NOS1AP: variants seen among roughly 807,000 people sequenced by gnomAD.
NOS1AP encodes nitric oxide synthase 1 adaptor protein, also known as carboxyl-terminal PDZ ligand of neuronal nitric oxide synthase protein.
NOS1AP carries 21 observed loss-of-function variants against 56.2 expected under a neutral mutation model. The ratio of observed to expected loss-of-function variants is 0.37; its 90% CI spans 0.26 to 0.54. The LOEUF (loss-of-function observed/expected upper bound fraction) is 0.54, where lower values mean the gene tolerates loss of function less well. Ranked by LOEUF, NOS1AP falls within the 20% of genes least tolerant of loss-of-function variation. The pLI, the probability that NOS1AP is intolerant of heterozygous loss-of-function variation, is 0.84. For missense variants in NOS1AP, 522 were observed against 657.8 expected, an observed-to-expected ratio of 0.79 and a Z score of 2.26; for synonymous variants, 270 against 274.6, an observed-to-expected ratio of 0.98 and a Z score of 0.17.
intron 2 of NOS1AP, among the ~76,000 whole-genome samples, chr1:162,160,050 G>A (rs1650137332): frequency 6.6e-6 from 1 of 152,178 alleles, no homozygotes; most frequent in Non-Finnish European, 1.5e-5. Context: ...TCGAAACGTG[G>A]TGCAGCCTCT....
chr1:162,203,359 C>A (rs114105768), intron 2 of NOS1AP, among the ~76,000 whole-genome samples: 2 of 152,172 alleles, frequency 1.3e-5, no homozygotes, highest in African/African-American at 2.4e-5. Context: ...CCAGATTCCA[C>A]TACTGGTCTG....
intron 1 of NOS1AP, among the ~76,000 whole-genome samples, chr1:162,139,827 TC>T (rs1283994971): frequency 6.6e-6 from 1 of 151,904 alleles, no homozygotes; most frequent in Non-Finnish European, 1.5e-5. Context: ...AGAGTTGCCG[TC>T]TTACTTTTTT....
intron 1 of NOS1AP, among the ~76,000 whole-genome samples, chr1:162,152,028 C>G (rs970687842): frequency 1.3e-5 from 2 of 152,142 alleles, no homozygotes; most frequent in African/African-American, 4.8e-5. Flanking sequence ...GTCCAAAACT[C>G]GAAGCTGCCT....
rs754410301 is a variant in NOS1AP, at chr1:162,154,431, G to A, written c.132G>A (p.Arg44=). The part of the protein sequence containing the change: ...AKYVGSLDVP[R]PNSRVEIVAA... ...ACGTAGGAAGCCTGGACGTGCCAAG[G>A]CCCAACAGCAGGGTGGAGATCGTGG... is the stretch of plus-strand genomic sequence containing the variant. Residue 44 remains arginine (R), a synonymous_variant, in exon 2 of 10, where the codon AGG becomes AGA. Coordinates refer to ENST00000361897, the MANE Select transcript of NOS1AP (RefSeq NM_014697.3). The A allele has an allele frequency of 1.2e-5, 20 of 1,614,112 alleles. No homozygotes were observed. The highest frequency in any genetic ancestry group is 1.7e-5 in the Non-Finnish European group (20 of 1,180,000).
intron 2 of NOS1AP, among the ~76,000 whole-genome samples, chr1:162,224,275 C>T (rs1289153108): frequency 2.0e-5 from 3 of 152,074 alleles, no homozygotes; most frequent in Admixed American, 6.6e-5. Flanking sequence ...TATTTATTGC[C>T]TGCTTTTTTA....
intron 3 of NOS1AP, among the ~76,000 whole-genome samples, chr1:162,298,958 G>A (rs771975442): frequency 6.6e-5 from 10 of 152,216 alleles, no homozygotes; most frequent in Non-Finnish European, 1.3e-4. Flanking sequence ...AATTAAAAGT[G>A]CAGGTAGAAT....
chr1:162,324,188 T>C (rs1656507575), intron 4 of NOS1AP, among the ~76,000 whole-genome samples: 2 of 151,996 alleles, frequency 1.3e-5, no homozygotes, highest in African/African-American at 4.8e-5. Context: ...CTGAAAAGTG[T>C]GGGATGGATG....
intron 2 of NOS1AP, among the ~76,000 whole-genome samples, chr1:162,230,841 T>C (rs2101668379): frequency 6.6e-6 from 1 of 152,356 alleles, no homozygotes; most frequent in South Asian, 2.1e-4. Context: ...TTTTAAAGGC[T>C]AATATTTCAT....
chr1:162,112,936 G>C (rs1647769342), intron 1 of NOS1AP, among the ~76,000 whole-genome samples: 1 of 152,160 alleles, frequency 6.6e-6, no homozygotes, highest in African/African-American at 2.4e-5. Context: ...AAAAAGATAT[G>C]GGAATTCAGA....
At chr1:162,243,848 A>G (rs1653575951) in intron 2 of NOS1AP, among the ~76,000 whole-genome samples, 1 of 152,212 alleles carries the variant, frequency 6.6e-6, no homozygotes, top group Non-Finnish European at 1.5e-5. Flanking sequence ...TGTTGTAAGA[A>G]TTGTTGGAGG....
intron 2 of NOS1AP, among the ~76,000 whole-genome samples, chr1:162,277,499 C>T (rs1654779371): frequency 6.6e-6 from 1 of 152,208 alleles, no homozygotes; most frequent in Non-Finnish European, 1.5e-5. Context: ...ACATCTGGAA[C>T]TTGTATTATC....
intron 9 of NOS1AP, 26 bp downstream of exon 9, chr1:162,365,595 G>T: frequency 6.2e-7 from 1 of 1,605,538 alleles, no homozygotes. Flanking sequence ...GCCCAGCCCT[G>T]CTTCCTCTGT....
At chr1:162,362,904 T>G (rs1476266548) in intron 8 of NOS1AP, 1 of 959,248 alleles carries the variant, frequency 1.0e-6, no homozygotes, top group Non-Finnish European at 1.2e-6. Flanking sequence ...TACAATATTA[T>G]TGACATTTCT....
At chr1:162,227,234 A>G (rs569848363) in intron 2 of NOS1AP, among the ~76,000 whole-genome samples, 1 of 152,326 alleles carries the variant, frequency 6.6e-6, no homozygotes, top group African/African-American at 2.4e-5. Flanking sequence ...ATACAAAAAC[A>G]TAAATTTTTC....
At chr1:162,321,731 A>AAAAAATATAT (rs1480278757) in intron 4 of NOS1AP, among the ~76,000 whole-genome samples, 1 of 128,494 alleles carries the variant, frequency 7.8e-6, no homozygotes, top group Non-Finnish European at 1.7e-5. Context: ...AAAAAAAAAA[A>AAAAAATATAT]ATATATATAT....
At chr1:162,152,383 C>G (rs2102092152) in intron 1 of NOS1AP, among the ~76,000 whole-genome samples, 1 of 152,334 alleles carries the variant, frequency 6.6e-6, no homozygotes, top group East Asian at 1.9e-4. Context: ...CAGGAGCCAT[C>G]AGCTGTGCAG....
intron 2 of NOS1AP, among the ~76,000 whole-genome samples, chr1:162,239,276 G>A (rs1653404017): frequency 6.6e-6 from 1 of 152,306 alleles, no homozygotes; most frequent in South Asian, 2.1e-4. Flanking sequence ...CTCATCTAAG[G>A]AACGTGTCTA....
chr1:162,143,296 C>T (rs184105437), intron 1 of NOS1AP, among the ~76,000 whole-genome samples: 9 of 152,186 alleles, frequency 5.9e-5, no homozygotes, highest in African/African-American at 2.2e-4. Flanking sequence ...CTTCCATTTA[C>T]TCTGGCATTT....
Position 162,333,085 on chromosome 1 carries a change from G to C in NOS1AP, c.413G>C (p.Ser138Thr). ...IFSYIARDGASNIFRCNVFKS... is the reference protein window; with the variant it reads ...IFSYIARDGATNIFRCNVFKS... The stretch of plus-strand genomic sequence containing the variant: ...AGCTATATCGCTCGAGATGGTGCCA[G>C]CAATATCTTCAGGTGTAACGTCTTT... The change falls in exon 5 of 10, where the codon AGC becomes ACC. Residue 138 changes from serine to threonine, a missense_variant. Around this residue, in one of 4 missense-constraint regions of NOS1AP, gnomAD observed 132 missense variants for 218.1 expected, o/e 0.61. Coordinates refer to ENST00000361897, the MANE Select transcript of NOS1AP (RefSeq NM_014697.3). 1 of 1,613,906 alleles carries C rather than the reference G, an allele frequency of 6.2e-7. No homozygotes were observed. Among genetic ancestry groups the C allele is most frequent in the Non-Finnish European group, 8.5e-7 (1 of 1,179,818 alleles).
Sources: allele counts gnomAD v4.1 joint callset (sites outside exome capture counted in the v4.1 genomes callset), GRCh38; gene constraint gnomAD v4.1.1; regional missense constraint gnomAD v4.1.1; transcripts MANE v1.5; gene names NCBI Gene and HGNC (gene_info 2026-07-23, HGNC 2026-07-21).